The following BST1 variants were observed in gnomAD, a reference collection of about 807,000 sequenced individuals.
BST1 encodes ADP-ribosyl cyclase/cyclic ADP-ribose hydrolase 2.
Under a neutral mutation model 40.6 loss-of-function variants are expected in BST1, and 49 were observed. That is an observed-to-expected ratio of 1.21 (90% CI 0.96 to 1.53). BST1 has a LOEUF of 1.53. Among genes scored for constraint, BST1 ranks in the 40% most tolerant of loss-of-function variants. BST1 has a pLI of 0.00. For missense variants in BST1, 423 were observed against 395.9 expected (o/e 1.07, Z -0.58); for synonymous variants, 157 against 159.3 (o/e 0.99, Z 0.11).
At chr4:15,707,867 A>C (rs1295202400) in intron 3 of BST1, among the ~76,000 whole-genome samples, 5 of 147,604 alleles carry the variant, frequency 3.4e-5, no homozygotes, top group African/African-American at 1.2e-4. Context: ...ATATATATAT[A>C]TATATATACA....
At chr4:15,762,253 G>A in the BST1 span, among the ~76,000 whole-genome samples, 1 of 142,786 alleles carries the variant, frequency 7.0e-6, no homozygotes, top group South Asian at 2.3e-4. Flanking sequence ...GCATACATAT[G>A]TGTGTGTATG....
the BST1 span, among the ~76,000 whole-genome samples, chr4:15,763,358 G>A: frequency 6.6e-6 from 1 of 151,576 alleles, no homozygotes; most frequent in African/African-American, 2.4e-5. Flanking sequence ...ATAAATTCCT[G>A]GGAAAATGTA....
At chr4:15,724,390 C>T (rs925975139) in intron 8 of BST1, among the ~76,000 whole-genome samples, 1 of 152,178 alleles carries the variant, frequency 6.6e-6, no homozygotes, top group Non-Finnish European at 1.5e-5. Context: ...ATAACCAGTA[C>T]ATTAAAGAGA....
the BST1 span, among the ~76,000 whole-genome samples, chr4:15,752,132 T>G: frequency 6.6e-6 from 1 of 152,214 alleles, no homozygotes; most frequent in Non-Finnish European, 1.5e-5. Context: ...GAGTTCCAGG[T>G]GTTCTTCTAA....
At chr4:15,765,963 A>C in the BST1 span, among the ~76,000 whole-genome samples, 1 of 152,012 alleles carries the variant, frequency 6.6e-6, no homozygotes, top group African/African-American at 2.4e-5. Flanking sequence ...CCCAGTACTA[A>C]AATAGTTCAT....
chr4:15,758,308 T>A, the BST1 span, among the ~76,000 whole-genome samples: 11 of 152,258 alleles, frequency 7.2e-5, no homozygotes, highest in South Asian at 2.3e-3. Flanking sequence ...CCCTGTCTCC[T>A]CTAGTAGTCC....
At chr4:15,772,134 G>A in the BST1 span, among the ~76,000 whole-genome samples, 3 of 152,044 alleles carry the variant, frequency 2.0e-5, no homozygotes, top group Non-Finnish European at 2.9e-5. Flanking sequence ...TTTATTCCAC[G>A]TGTGTTTATC....
At chr4:15,760,232 C>G in the BST1 span, among the ~76,000 whole-genome samples, 47 of 151,202 alleles carry the variant, frequency 3.1e-4, no homozygotes, top group East Asian at 8.9e-3. Flanking sequence ...TTTTGAGGTA[C>G]GTCCATGTTG....
chr4:15,718,643 C>T (rs1355338619), intron 6 of BST1, among the ~76,000 whole-genome samples: 1 of 152,130 alleles, frequency 6.6e-6, no homozygotes. Context: ...TGGCTGACAC[C>T]ACGCACATGC....
chr4:15,715,888 T>C, intron 6 of BST1, 89 bp downstream of exon 6: 1 of 997,598 alleles, frequency 1.0e-6, no homozygotes, highest in Non-Finnish European at 1.4e-6. Flanking sequence ...ATTTTCAGTT[T>C]AGGGGAAATG....
chr4:15,728,443 C>A (rs943741799), intron 8 of BST1, among the ~76,000 whole-genome samples: 1 of 133,300 alleles, frequency 7.5e-6, no homozygotes, highest in African/African-American at 2.8e-5. Flanking sequence ...GTAACTAATT[C>A]TTTTTCTTTT....
At chr4:15,737,639 G>A (rs1721618076), downstream of BST1, 10 of 412,642 alleles carry the variant, frequency 2.4e-5, no homozygotes, top group Non-Finnish European at 4.2e-5. Flanking sequence ...AATGCACATG[G>A]AAGACCCCTG....
At chr4:15,767,723 T>C in the BST1 span, among the ~76,000 whole-genome samples, 16 of 152,080 alleles carry the variant, frequency 1.1e-4, no homozygotes, top group Non-Finnish European at 2.4e-4. Context: ...CATACGTCAC[T>C]AATAGAATGT....
the BST1 span, among the ~76,000 whole-genome samples, chr4:15,749,045 G>A: frequency 6.6e-6 from 1 of 152,208 alleles, no homozygotes; most frequent in Admixed American, 6.5e-5. Context: ...ATCCTGCGGG[G>A]ACCTTTGGCT....
chr4:15,739,554 CGT>C (rs58171340), downstream of BST1, among the ~76,000 whole-genome samples: 6,003 of 143,964 alleles, frequency 0.042, 146 homozygotes, highest in African/African-American at 0.075. Context: ...GAAGCCAAAC[CGT>C]GTGTGTGTGT....
intron 8 of BST1, 56 bp from the exon 9 acceptor site, chr4:15,731,684 G>A: frequency 1.3e-6 from 2 of 1,552,972 alleles, no homozygotes; most frequent in South Asian, 2.3e-5. Context: ...ATATTTTTGA[G>A]CGTAGATTCC....
intron 3 of BST1, among the ~76,000 whole-genome samples, chr4:15,709,461 T>A (rs73115630): frequency 0.045 from 6,818 of 152,268 alleles, 327 homozygotes; most frequent in East Asian, 0.21. Flanking sequence ...GCATTGCAGG[T>A]TCCACGTCAA....
At chr4:15,724,257 G>C (rs372377357) in intron 8 of BST1, among the ~76,000 whole-genome samples, 1 of 152,232 alleles carries the variant, frequency 6.6e-6, no homozygotes, top group Non-Finnish European at 1.5e-5. Context: ...CATAGTAGGT[G>C]CACCATCTAT....
At chr4:15,762,188 C>CAAAAAAAAAAAAAA in the BST1 span, among the ~76,000 whole-genome samples, 1 of 61,264 alleles carries the variant, frequency 1.6e-5, no homozygotes, top group African/African-American at 6.2e-5. Context: ...GACTCCATCT[C>CAAAAAAAAAAAAAA]AAAAAAAAAA....
Sources: allele counts gnomAD v4.1 joint callset (sites outside exome capture counted in the v4.1 genomes callset), GRCh38; gene constraint gnomAD v4.1.1; transcripts MANE v1.5; gene names NCBI Gene and HGNC (gene_info 2026-07-23, HGNC 2026-07-21).